ZCCHC7: variants seen among roughly 807,000 people sequenced by gnomAD.
ZCCHC7 encodes the protein zinc finger CCHC domain-containing protein 7.
ZCCHC7 carries 35 observed loss-of-function variants against 52.0 expected under a neutral mutation model. The observed-to-expected ratio is 0.67, with a 90% CI of 0.51 to 0.89. The LOEUF (loss-of-function observed/expected upper bound fraction) is 0.89, where lower values mean the gene tolerates loss of function less well. ZCCHC7 is among the 40% of genes least tolerant of loss of function. The pLI is 0.00. For synonymous variants in ZCCHC7, 217 were observed against 221.5 expected (o/e 0.98, Z 0.18); for missense variants, 574 against 649.1 (o/e 0.88, Z 1.26).
intron 2 of ZCCHC7, among the ~76,000 whole-genome samples, chr9:37,209,909 TG>T (rs1454816995): frequency 6.6e-6 from 1 of 152,268 alleles, no homozygotes; most frequent in Non-Finnish European, 1.5e-5. Flanking sequence ...TCTGGATTAT[TG>T]GTTTCTCTTT....
At chr9:37,259,668 A>G (rs963512713) in intron 2 of ZCCHC7, among the ~76,000 whole-genome samples, 1 of 152,168 alleles carries the variant, frequency 6.6e-6, no homozygotes, top group African/African-American at 2.4e-5. Flanking sequence ...AACTCTACAA[A>G]TCAGTTCTGT....
chr9:37,274,539 A>G lies in ZCCHC7; in HGVS notation c.611-27649A>G, dbSNP rs140026714. On this transcript the variant is annotated intron_variant, in intron 2 of 8. Transcript: ENST00000336755. The stretch of plus-strand genomic sequence containing the variant: ...AATTTAGTAGAGATGGGGTTTCACT[A>G]TGTTGGCCAGGCTGGTCTTGAACTC... 6.6e-3 allele frequency among the ~76,000 whole-genome samples: 994 copies of G among 151,708 alleles called. 6 individuals carry two copies. The highest frequency in any genetic ancestry group is 0.023 in the African/African-American group (937 of 41,380).
chr9:37,229,488 C>T (rs972306899), intron 2 of ZCCHC7, among the ~76,000 whole-genome samples: 14 of 152,028 alleles, frequency 9.2e-5, no homozygotes, highest in Admixed American at 7.9e-4. Flanking sequence ...TGAACTTGTA[C>T]GGCATGTTAT....
chr9:37,129,944 G>T (rs1412647263), intron 2 of ZCCHC7, among the ~76,000 whole-genome samples: 3 of 152,166 alleles, frequency 2.0e-5, no homozygotes, highest in African/African-American at 7.2e-5. Context: ...AGTGGTAAAA[G>T]ACTTAAGTTT....
rs575582479 is a variant in ZCCHC7 at position 37,186,955 on chromosome 9, C to T, written c.610+60013C>T. On this transcript the variant is annotated intron_variant, in intron 2 of 8. Coordinates refer to ENST00000336755, the MANE Select transcript of ZCCHC7 (RefSeq NM_032226.3). The stretch of plus-strand genomic sequence containing the variant: ...AAAAGGCAAGTGTATTTTTCTGTCA[C>T]GAATATCTTGTCATTCTAAAATAAG... 17 of 289,068 alleles carry T rather than the reference C, an allele frequency of 5.9e-5. No individual in the cohort carries two copies. In the South Asian group the frequency reaches 2.3e-3, roughly 38 times the overall value. The allele number at this position is 289,068 out of a possible 1,614,324, so 17.9% of individuals were successfully genotyped here. A position where few individuals can be genotyped will look rare whatever the true frequency, so the allele number is the denominator to read the frequency against.
intron 2 of ZCCHC7, among the ~76,000 whole-genome samples, chr9:37,257,874 C>T (rs1473853126): frequency 6.6e-6 from 1 of 152,092 alleles, no homozygotes. Context: ...TTGTATATAG[C>T]CTGCTGAAGA....
At chr9:37,238,788 A>G (rs1825761805) in intron 2 of ZCCHC7, among the ~76,000 whole-genome samples, 1 of 152,152 alleles carries the variant, frequency 6.6e-6, no homozygotes, top group Non-Finnish European at 1.5e-5. Context: ...ATGTGATGGC[A>G]GCAATTAACA....
At chr9:37,156,571 C>A (rs1820825735) in intron 2 of ZCCHC7, among the ~76,000 whole-genome samples, 1 of 152,116 alleles carries the variant, frequency 6.6e-6, no homozygotes, top group Non-Finnish European at 1.5e-5. Flanking sequence ...TAAAAGAGGT[C>A]AAAAATTCTT....
intron 2 of ZCCHC7, among the ~76,000 whole-genome samples, chr9:37,216,127 TG>T (rs1368655931): frequency 1.3e-5 from 2 of 152,324 alleles, no homozygotes; most frequent in South Asian, 2.1e-4. Flanking sequence ...TCCTGTCTTT[TG>T]CTGTAGGTAA....
intron 2 of ZCCHC7, among the ~76,000 whole-genome samples, chr9:37,131,768 T>C (rs190026590): frequency 3.9e-5 from 6 of 152,326 alleles, no homozygotes; most frequent in East Asian, 1.9e-4. Flanking sequence ...TTCAACACTT[T>C]TCTGATTTTG....
At chr9:37,161,693 A>G (rs1472468766) in intron 2 of ZCCHC7, among the ~76,000 whole-genome samples, 2 of 152,216 alleles carry the variant, frequency 1.3e-5, no homozygotes, top group Admixed American at 6.5e-5. Flanking sequence ...ATGTCAACGT[A>G]TGTTCACTTT....
intron 2 of ZCCHC7, among the ~76,000 whole-genome samples, chr9:37,193,091 T>C (rs1823101692): frequency 6.6e-6 from 1 of 152,204 alleles, no homozygotes; most frequent in African/African-American, 2.4e-5. Context: ...TTTGTATTGA[T>C]GAACATATGC....
At chr9:37,209,719 T>A (rs1824112145) in intron 2 of ZCCHC7, among the ~76,000 whole-genome samples, 1 of 152,138 alleles carries the variant, frequency 6.6e-6, no homozygotes, top group Admixed American at 6.5e-5. Context: ...GGATAAATAT[T>A]TGTGTTTATA....
intron 2 of ZCCHC7, among the ~76,000 whole-genome samples, chr9:37,155,623 C>T (rs996813703): frequency 3.3e-5 from 5 of 152,090 alleles, no homozygotes; most frequent in African/African-American, 9.7e-5. Context: ...CGTAAACTGG[C>T]CATTGGTGTT....
At chr9:37,145,835 G>C (rs1266550239) in intron 2 of ZCCHC7, among the ~76,000 whole-genome samples, 1 of 151,854 alleles carries the variant, frequency 6.6e-6, no homozygotes, top group Non-Finnish European at 1.5e-5. Context: ...CCTATAAATT[G>C]AATTGGAGAT....
chr9:37,256,822 G>A (rs1243729431), intron 2 of ZCCHC7, among the ~76,000 whole-genome samples: 1 of 152,156 alleles, frequency 6.6e-6, no homozygotes, highest in African/African-American at 2.4e-5. Flanking sequence ...TTGGCCTAGT[G>A]TAAAAGAACA....
intron 5 of ZCCHC7, among the ~76,000 whole-genome samples, chr9:37,325,820 A>G (rs1423914513): frequency 1.3e-5 from 2 of 152,222 alleles, no homozygotes; most frequent in Non-Finnish European, 2.9e-5. Context: ...AAAAATTACA[A>G]TACTATTGTC....
At chr9:37,212,026 C>CAAAAAAAAAAAAAAAAAAAA (rs574190937) in intron 2 of ZCCHC7, among the ~76,000 whole-genome samples, 2 of 55,424 alleles carry the variant, frequency 3.6e-5, no homozygotes, top group Non-Finnish European at 6.6e-5. Flanking sequence ...GACTCCGTCT[C>CAAAAAAAAAAAAAAAAAAAA]AAAAAAAAAA....
In ZCCHC7 at chr9:37,354,098, A is replaced by C. The variant is rs1821551151; in HGVS notation, c.1084-612A>C. Among the ~76,000 whole-genome samples the C allele has an allele frequency of 6.6e-6, 1 of 152,178 alleles. No individual in the cohort carries two copies. On this transcript the variant is annotated intron_variant, in intron 7 of 8. Transcript: ENST00000336755. The surrounding 1 kb of genome is among the most constrained non-coding windows in gnomAD (Gnocchi z 4.0). ...GGATTTCAACTTGGGTGGCGGAAGC[A>C]AGAAGAGAAACTTCTTTTGGGGTGT...
Sources: allele counts gnomAD v4.1 joint callset (sites outside exome capture counted in the v4.1 genomes callset), GRCh38; gene constraint gnomAD v4.1.1; non-coding constraint Gnocchi (gnomAD v3.1); transcripts MANE v1.5; gene names NCBI Gene and HGNC (gene_info 2026-07-23, HGNC 2026-07-21).